RORA: variants seen among roughly 807,000 people sequenced by gnomAD.
RORA encodes the protein RAR related orphan receptor A, also known as nuclear receptor ROR-alpha.
Under a neutral mutation model 69.5 loss-of-function variants are expected in RORA, and 7 were observed. The observed-to-expected ratio is 0.10, with a 90% CI of 0.06 to 0.19. RORA has a LOEUF of 0.19. RORA is among the 10% of genes least tolerant of loss of function. The pLI is 1.00. For missense variants in RORA, 457 were observed against 663.0 expected, an observed-to-expected ratio of 0.69 and a Z score of 3.41; for synonymous variants, 261 against 240.8, an observed-to-expected ratio of 1.08 and a Z score of -0.78.
intron 1 of RORA, among the ~76,000 whole-genome samples, chr15:60,732,969 T>C (rs78492441): frequency 0.021 from 3,151 of 152,292 alleles, 119 homozygotes; most frequent in African/African-American, 0.073. Context: ...TCTCCGTCTT[T>C]GAAAGGGACA....
rs1255915829 is a variant in RORA at position 60,537,757 on chromosome 15, T to C, written c.197-5906A>G. On this transcript the variant is annotated intron_variant, in intron 2 of 10. Transcript: ENST00000335670. This position sits in a 1 kb window ranked among gnomAD's most constrained non-coding sequence, Gnocchi z 4.9. ...CATTTTAAATATAACACTAATATGT[T>C]TCCCTAGTACATTATTTTCTTCTCT... 6.6e-6 allele frequency among the ~76,000 whole-genome samples: 1 copy of C among 152,228 alleles called. No individual in the cohort carries two copies. The highest frequency in any genetic ancestry group is 1.5e-5 in the Non-Finnish European group (1 of 68,042).
At chr15:60,714,476 T>C (rs1839875448) in intron 1 of RORA, among the ~76,000 whole-genome samples, 1 of 152,044 alleles carries the variant, frequency 6.6e-6, no homozygotes, top group Admixed American at 6.5e-5. Context: ...GCGATTCTCC[T>C]GCCTCAGCCT....
chr15:60,822,517 T>C (rs762988121), intron 1 of RORA, among the ~76,000 whole-genome samples: 26 of 152,300 alleles, frequency 1.7e-4, no homozygotes, highest in Non-Finnish European at 3.4e-4. Context: ...AGTTCTTTCA[T>C]ATGACAGGTG....
intron 1 of RORA, among the ~76,000 whole-genome samples, chr15:61,041,587 C>G (rs1318503376): frequency 1.3e-5 from 2 of 152,170 alleles, no homozygotes; most frequent in African/African-American, 4.8e-5. Flanking sequence ...AGAGACAGCT[C>G]TCACTTTGTC....
chr15:60,801,201 C>G (rs1199832259), intron 1 of RORA, among the ~76,000 whole-genome samples: 1 of 152,112 alleles, frequency 6.6e-6, no homozygotes, highest in Non-Finnish European at 1.5e-5. Context: ...CGTGAAAACA[C>G]CTGGTGAACT....
At chr15:60,804,614 G>A (rs1206964999) in intron 1 of RORA, among the ~76,000 whole-genome samples, 1 of 152,164 alleles carries the variant, frequency 6.6e-6, no homozygotes, top group African/African-American at 2.4e-5. Context: ...GATTGCTTAA[G>A]CTCCATTGGT....
chr15:61,113,803 G>A (rs747697218), intron 1 of RORA, among the ~76,000 whole-genome samples: 3 of 152,200 alleles, frequency 2.0e-5, no homozygotes. Flanking sequence ...AAGCACTTCA[G>A]CACCTTTTAA....
At chr15:60,873,195 C>T (rs1476739289) in intron 1 of RORA, among the ~76,000 whole-genome samples, 1 of 151,806 alleles carries the variant, frequency 6.6e-6, no homozygotes, top group Non-Finnish European at 1.5e-5. Context: ...ATCCTCCACA[C>T]CAGATTGTGG....
intron 1 of RORA, among the ~76,000 whole-genome samples, chr15:60,843,904 T>C (rs2140406394): frequency 6.6e-6 from 1 of 152,360 alleles, no homozygotes; most frequent in South Asian, 2.1e-4. Flanking sequence ...CTTCCTCAGC[T>C]GGGCTGGCCC....
intron 1 of RORA, among the ~76,000 whole-genome samples, chr15:60,975,560 T>C (rs982849358): frequency 1.3e-5 from 2 of 152,136 alleles, no homozygotes; most frequent in Non-Finnish European, 2.9e-5. Flanking sequence ...TGGGGTCCTA[T>C]TCAGAACATG....
intron 1 of RORA, among the ~76,000 whole-genome samples, chr15:61,116,110 G>A (rs575175022): frequency 6.6e-5 from 10 of 152,250 alleles, no homozygotes; most frequent in Middle Eastern, 3.4e-3. Context: ...TGTTCTTGAC[G>A]CAGGATGAAC....
intron 1 of RORA, among the ~76,000 whole-genome samples, chr15:61,029,300 G>A (rs1333082000): frequency 2.0e-5 from 3 of 152,072 alleles, no homozygotes. Context: ...AGCACCATTG[G>A]AAAGACAGAA....
At chr15:61,211,469 A>G (rs562260705) in intron 1 of RORA, among the ~76,000 whole-genome samples, 7 of 152,286 alleles carry the variant, frequency 4.6e-5, no homozygotes, top group Admixed American at 1.3e-4. Context: ...CACACACAAA[A>G]TATTTCCCTG....
At chr15:60,678,764 G>T in intron 1 of RORA, 78 bp from the exon 2 acceptor site, 3 of 1,230,720 alleles carry the variant, frequency 2.4e-6, no homozygotes, top group Non-Finnish European at 2.4e-6. Context: ...TTCCCAGTGT[G>T]CTCAGGAAGG....
chr15:60,704,928 GT>G (rs984315678), intron 1 of RORA, among the ~76,000 whole-genome samples: 3 of 152,166 alleles, frequency 2.0e-5, no homozygotes, highest in Non-Finnish European at 4.4e-5. Context: ...ATGTTTTGCT[GT>G]GAATGAGTTT....
At chr15:60,882,223 G>C (rs147686825) in intron 1 of RORA, among the ~76,000 whole-genome samples, 66 of 152,256 alleles carry the variant, frequency 4.3e-4, no homozygotes, top group African/African-American at 1.4e-3. Context: ...TTTCAGCCTA[G>C]AATGGCATTC....
At chr15:60,741,225 C>G (rs1567175161) in intron 1 of RORA, among the ~76,000 whole-genome samples, 1 of 152,164 alleles carries the variant, frequency 6.6e-6, no homozygotes, top group Non-Finnish European at 1.5e-5. Context: ...CAGCCAGAAA[C>G]TTCATGGTGC....
chr15:60,719,043 GGT>G (rs146129484), intron 1 of RORA, among the ~76,000 whole-genome samples: 2,012 of 150,208 alleles, frequency 0.013, 38 homozygotes, highest in African/African-American at 0.045. Context: ...GTGTGGGGGG[GGT>G]GTGTGTGTGT....
chr15:60,629,187 C>CT (rs34687322), intron 2 of RORA, among the ~76,000 whole-genome samples: 9,428 of 111,922 alleles, frequency 0.084, 652 homozygotes, highest in Non-Finnish European at 0.12. Flanking sequence ...ACTGTTTATT[C>CT]TTTTTTTTTT....
Sources: allele counts gnomAD v4.1 joint callset (sites outside exome capture counted in the v4.1 genomes callset), GRCh38; gene constraint gnomAD v4.1.1; non-coding constraint Gnocchi (gnomAD v3.1); transcripts MANE v1.5; gene names NCBI Gene and HGNC (gene_info 2026-07-23, HGNC 2026-07-21).